Variants in ZNRF3 observed in about 807,000 individuals in gnomAD.
ZNRF3 encodes zinc and ring finger 3.
Under a neutral mutation model 72.5 loss-of-function variants are expected in ZNRF3, and 23 were observed. The ratio of observed to expected loss-of-function variants is 0.32; its 90% CI spans 0.23 to 0.45. The LOEUF (loss-of-function observed/expected upper bound fraction) is 0.45, where lower values mean the gene tolerates loss of function less well. Among genes scored for constraint, ZNRF3 ranks in the 20% least tolerant of loss-of-function variants. The pLI, the probability that ZNRF3 is intolerant of heterozygous loss-of-function variation, is 1.00. For missense variants in ZNRF3, 1,169 were observed against 1,272.1 expected (o/e 0.92, Z 1.23); for synonymous variants, 610 against 545.3 (o/e 1.12, Z -1.65).
At chr22:29,003,318 C>A (rs752693662) in intron 2 of ZNRF3, among the ~76,000 whole-genome samples, 5 of 151,934 alleles carry the variant, frequency 3.3e-5, no homozygotes, top group Non-Finnish European at 5.9e-5. Flanking sequence ...AGATAGAGAC[C>A]ATCCTGGTTA....
chr22:29,053,704 A>C lies in ZNRF3; in HGVS notation c.*82A>C. ...TTCTTTCAAAAAACAAAAACAAAAAATTTTTTTAGCTTTGACAAACACACA... is the reference window on the plus strand; with the variant it reads ...TTCTTTCAAAAAACAAAAACAAAAACTTTTTTTAGCTTTGACAAACACACA... On this transcript the variant is annotated 3_prime_UTR_variant, in exon 9 of 9. Coordinates refer to ENST00000544604, the MANE Select transcript of ZNRF3 (RefSeq NM_001206998.2). The C allele has an allele frequency of 7.0e-7, 1 of 1,435,990 alleles. No individual in the cohort carries two copies. The highest frequency in any genetic ancestry group is 9.5e-7 in the Non-Finnish European group (1 of 1,054,392). 89.0% of individuals were successfully genotyped at this position (1,435,990 alleles called of 1,614,324 possible).
intron 1 of ZNRF3, 37 bp from the exon 2 acceptor site, chr22:28,987,037 GCT>G (rs1258240929): frequency 6.3e-7 from 1 of 1,590,912 alleles, no homozygotes; most frequent in Non-Finnish European, 8.6e-7. Context: ...CAAATGTGTA[GCT>G]TGCCTGCTGA....
rs529824541 is a variant in ZNRF3 at position 28,964,475 on chromosome 22, C to T, written c.301-22601C>T. Among the ~76,000 whole-genome samples the T allele has an allele frequency of 8.5e-5, 13 of 152,264 alleles. No individual in the cohort carries two copies. In the South Asian group the frequency reaches 2.3e-3, roughly 27 times the overall value. On this transcript the variant is annotated intron_variant, in intron 1 of 8. Transcript: ENST00000544604. ...AGAGGGGTGAGGGGAACAACTCAGC[C>T]ACAACATCCTCGAGTGTATCCAGAG...
At chr22:28,911,588 T>C (rs2034318313) in intron 1 of ZNRF3, among the ~76,000 whole-genome samples, 1 of 152,266 alleles carries the variant, frequency 6.6e-6, no homozygotes, top group South Asian at 2.1e-4. Flanking sequence ...CTGTTATTAG[T>C]AACAAATAGC....
At chr22:28,981,953 C>T (rs919106117) in intron 1 of ZNRF3, among the ~76,000 whole-genome samples, 5 of 152,024 alleles carry the variant, frequency 3.3e-5, no homozygotes, top group African/African-American at 9.7e-5. Context: ...GCCGAGATCG[C>T]GCCACTGTGC....
chr22:28,923,989 G>A (rs1043774936), intron 1 of ZNRF3, among the ~76,000 whole-genome samples: 5 of 152,254 alleles, frequency 3.3e-5, no homozygotes, highest in Admixed American at 1.3e-4. Flanking sequence ...TGATGGTATC[G>A]GCTTTGCCCC....
chr22:28,949,950 C>T (rs1021884887), intron 1 of ZNRF3, among the ~76,000 whole-genome samples: 12 of 92,260 alleles, frequency 1.3e-4, no homozygotes, highest in African/African-American at 3.4e-4. Context: ...TTAACCATTT[C>T]GCCACGCAGA....
intron 1 of ZNRF3, among the ~76,000 whole-genome samples, chr22:28,900,751 C>T (rs1247517573): frequency 6.6e-6 from 1 of 152,190 alleles, no homozygotes; most frequent in East Asian, 1.9e-4. Context: ...TGCTTGCTGA[C>T]TTGGAGCCAA....
intron 1 of ZNRF3, among the ~76,000 whole-genome samples, chr22:28,890,336 C>G (rs1306177364): frequency 2.0e-5 from 3 of 151,890 alleles, no homozygotes; most frequent in Admixed American, 2.0e-4. Flanking sequence ...CTGTCTCTAC[C>G]AAAAATATAA....
At position 29,056,438 on chromosome 22, in the gene ZNRF3, T is replaced by C. The variant is rs948659125; in HGVS notation, c.*2816T>C. On this transcript the variant is annotated 3_prime_UTR_variant, in exon 9 of 9. Coordinates refer to ENST00000544604, the MANE Select transcript of ZNRF3 (RefSeq NM_001206998.2). ...CATTGTCTTTTAAATTCGTGTTGGC[T>C]TCTCAGACAGGGAGATCACTGGAAT... 1.3e-5 allele frequency: 2 copies of C among 152,244 alleles called. No homozygotes were observed. 9.4% of individuals were successfully genotyped at this position (152,244 alleles called of 1,614,324 possible). A position where few individuals can be genotyped will look rare whatever the true frequency, so the allele number is the denominator to read the frequency against.
intron 1 of ZNRF3, among the ~76,000 whole-genome samples, chr22:28,933,010 G>A (rs1438428600): frequency 6.6e-6 from 1 of 152,230 alleles, no homozygotes; most frequent in African/African-American, 2.4e-5. Context: ...GCCAAGGTTT[G>A]TATTAGGATG....
Position 28,972,512 on chromosome 22 carries a change from G to A in ZNRF3, c.301-14564G>A, listed in dbSNP as rs552934789. Among the ~76,000 whole-genome samples, 143 of 152,300 alleles carry A rather than the reference G, an allele frequency of 9.4e-4. 2 individuals carry two copies. The South Asian group carries it at 0.021, about 23-fold the overall frequency. On this transcript the variant is annotated intron_variant, in intron 1 of 8. Transcript: ENST00000544604. ...CCACACTTGATGTTTCCATTCATCGGCTGATGGACATTCACATTGTTTCCA... is the reference window on the plus strand; with the variant it reads ...CCACACTTGATGTTTCCATTCATCGACTGATGGACATTCACATTGTTTCCA...
At position 29,007,752 on chromosome 22, in the gene ZNRF3, C is replaced by CTTTT. The variant is rs943507617; in HGVS notation, c.426+20570_426+20573dup. Reference sequence around the variant, plus strand: ...CCTTTCATAGAAATTCCATTTCTTCCTTTTTTTTTTTTTTTTTTTTTTGAG... The same window carrying CTTTT: ...CCTTTCATAGAAATTCCATTTCTTCCTTTTTTTTTTTTTTTTTTTTTTTTTTGAG... On this transcript the variant is annotated intron_variant, in intron 2 of 8. Coordinates refer to ENST00000544604, the MANE Select transcript of ZNRF3 (RefSeq NM_001206998.2). Among the ~76,000 whole-genome samples, 55 of 43,666 alleles carry CTTTT rather than the reference C, an allele frequency of 1.3e-3. 1 individual carries two copies. The highest frequency in any genetic ancestry group is 2.1e-3 in the African/African-American group (29 of 13,716). 28.6% of individuals were successfully genotyped at this position (43,666 alleles called of 152,430 possible).
intron 1 of ZNRF3, among the ~76,000 whole-genome samples, chr22:28,925,521 A>G (rs1317292654): frequency 1.3e-5 from 2 of 152,108 alleles, no homozygotes; most frequent in African/African-American, 4.8e-5. Flanking sequence ...CTTCCCTTTT[A>G]AACTACAAAC....
intron 2 of ZNRF3, among the ~76,000 whole-genome samples, chr22:29,033,519 C>T (rs545786250): frequency 1.5e-3 from 230 of 152,252 alleles, no homozygotes; most frequent in Non-Finnish European, 2.7e-3. Context: ...CCCTCTGCTA[C>T]TGCATGGAGA....
rs143519458 is a variant in ZNRF3, at chr22:28,896,157, C to T, written c.300+12091C>T. Among the ~76,000 whole-genome samples, 1,220 of 151,884 alleles carry T rather than the reference C, an allele frequency of 8.0e-3. 17 individuals are homozygous for T. The highest frequency in any genetic ancestry group is 0.028 in the African/African-American group (1,162 of 41,358). On this transcript the variant is annotated intron_variant, in intron 1 of 8. Coordinates refer to ENST00000544604, the MANE Select transcript of ZNRF3 (RefSeq NM_001206998.2). ...TATTTTTATTTTTATCTTTTTGAGA[C>T]GGAGTCTCGCTCTGTCGGCCAGGCT... is the stretch of plus-strand genomic sequence containing the variant.
Position 29,053,768 on chromosome 22 carries a change from A to C in ZNRF3, c.*146A>C. 9.6e-6 allele frequency: 7 copies of C among 730,644 alleles called. No individual in the cohort carries two copies. The highest frequency in any genetic ancestry group is 2.8e-5 in the East Asian group (1 of 35,626). The allele number at this position is 730,644 out of a possible 1,614,324, so 45.3% of individuals were successfully genotyped here. A position where few individuals can be genotyped will look rare whatever the true frequency, so the allele number is the denominator to read the frequency against. On this transcript the variant is annotated 3_prime_UTR_variant, in exon 9 of 9. Transcript: ENST00000544604. The stretch of plus-strand genomic sequence containing the variant: ...AGAGAGCCCTCCTTGTCAACCCAAA[A>C]TGTGAGCCCCCTGTGGCAAAACCAC...
At chr22:28,969,099 A>G (rs1348371964) in intron 1 of ZNRF3, among the ~76,000 whole-genome samples, 1 of 152,164 alleles carries the variant, frequency 6.6e-6, no homozygotes, top group Non-Finnish European at 1.5e-5. Flanking sequence ...TAATTGTCAG[A>G]TGTTTTCAGT....
At chr22:28,950,153 G>A (rs2035132869) in intron 1 of ZNRF3, among the ~76,000 whole-genome samples, 1 of 152,154 alleles carries the variant, frequency 6.6e-6, no homozygotes, top group Admixed American at 6.5e-5. Context: ...TTTTGTACAT[G>A]AATCAGTGCA....
Sources: gnomAD v4.1 joint callset for allele counts (sites outside exome capture counted in the v4.1 genomes callset) on GRCh38, gnomAD v4.1.1 for gene constraint, MANE v1.5 for transcripts, NCBI Gene and HGNC (gene_info 2026-07-23, HGNC 2026-07-21) for gene names.